Variants in ULK4 observed in about 807,000 individuals in gnomAD.
The protein encoded by ULK4 is inactive serine/threonine-protein kinase ULK4.
In ULK4, 133 loss-of-function variants were observed where a neutral mutation model predicts 160.6. The ratio of observed to expected loss-of-function variants is 0.83; its 90% confidence interval spans 0.72 to 0.96. The LOEUF is 0.96. ULK4 is among the 40% of genes least tolerant of loss of function. The pLI, the probability that ULK4 is intolerant of heterozygous loss-of-function variation, is 0.00. For missense variants in ULK4, 1,580 were observed against 1,499.5 expected (o/e 1.05, Z -0.89); for synonymous variants, 534 against 539.8 (o/e 0.99, Z 0.15).
At chr3:41,491,169 C>CAATTT (rs2084745775) in intron 32 of ULK4, among the ~76,000 whole-genome samples, 1 of 152,076 alleles carries the variant, frequency 6.6e-6, no homozygotes, top group Non-Finnish European at 1.5e-5. Context: ...AATAAAGAGC[C>CAATTT]CTACCATATT....
intron 25 of ULK4, among the ~76,000 whole-genome samples, chr3:41,707,191 A>G (rs1159479729): frequency 6.6e-6 from 1 of 152,160 alleles, no homozygotes; most frequent in Non-Finnish European, 1.5e-5. Flanking sequence ...ATACCAAGCT[A>G]TACATAGTTC....
At chr3:41,891,131 G>A (rs867736023) in intron 16 of ULK4, among the ~76,000 whole-genome samples, 1 of 222 alleles carries the variant, frequency 4.5e-3, no homozygotes, top group African/African-American at 5.1e-3. Flanking sequence ...GAGCGGGGAA[G>A]GAAGGGACGG....
chr3:41,371,964 C>G (rs748075833), intron 35 of ULK4, among the ~76,000 whole-genome samples: 4 of 151,748 alleles, frequency 2.6e-5, no homozygotes, highest in Non-Finnish European at 4.4e-5. Flanking sequence ...CCTGATGGAG[C>G]TGAATAACAC....
Position 41,505,829 on chromosome 3 carries a change from T to G in ULK4, c.3227-42576A>C, listed in dbSNP as rs541293077. Among the ~76,000 whole-genome samples, 3 of 152,262 alleles carry G rather than the reference T, an allele frequency of 2.0e-5. No homozygotes were observed. In the South Asian group the frequency reaches 6.2e-4, roughly 32 times the overall value. ...CTTTTTCTTAACTTATTGTCCTGGC[T>G]AGGACCTCCAATACAACATTTAATA... is the stretch of plus-strand genomic sequence containing the variant. On this transcript the variant is annotated intron_variant, in intron 32 of 36. Coordinates refer to ENST00000301831, the MANE Select transcript of ULK4 (RefSeq NM_017886.4).
intron 21 of ULK4, among the ~76,000 whole-genome samples, chr3:41,755,667 T>C (rs1313271212): frequency 1.3e-5 from 2 of 152,078 alleles, no homozygotes; most frequent in Admixed American, 6.6e-5. Context: ...TCCAAAGCCA[T>C]TCAAATTTCC....
intron 35 of ULK4, among the ~76,000 whole-genome samples, chr3:41,377,268 A>C (rs2125790147): frequency 6.6e-6 from 1 of 152,310 alleles, no homozygotes; most frequent in South Asian, 2.1e-4. Flanking sequence ...AACCATAAAA[A>C]CCCTAGAAGA....
chr3:41,855,404 G>A (rs192383759), intron 17 of ULK4, among the ~76,000 whole-genome samples: 4 of 152,270 alleles, frequency 2.6e-5, no homozygotes, highest in East Asian at 1.9e-4. Flanking sequence ...TCTAATGTAA[G>A]CATCTACTGC....
In ULK4 at chr3:41,544,102, T is replaced by C. The variant is rs543328434; in HGVS notation, c.3226+21923A>G. Among the ~76,000 whole-genome samples the C allele has an allele frequency of 1.9e-4, 29 of 152,350 alleles. No homozygotes were observed. In the South Asian group the frequency reaches 5.2e-3, roughly 27 times the overall value. ...CCTAGTTTGGCTTTTTGACATGCTT[T>C]GTGATTTTTTGTTGAAAACTGAACA... is the stretch of plus-strand genomic sequence containing the variant. On this transcript the variant is annotated intron_variant, in intron 32 of 36. Coordinates refer to ENST00000301831, the MANE Select transcript of ULK4 (RefSeq NM_017886.4).
At chr3:41,640,828 A>G (rs1353945826) in intron 30 of ULK4, among the ~76,000 whole-genome samples, 1 of 152,196 alleles carries the variant, frequency 6.6e-6, no homozygotes, top group African/African-American at 2.4e-5. Flanking sequence ...TTTCTTTTCA[A>G]TGGTAAAAAT....
chr3:41,678,310 C>A (rs554337048), intron 29 of ULK4, among the ~76,000 whole-genome samples: 11 of 151,800 alleles, frequency 7.2e-5, no homozygotes, highest in Non-Finnish European at 1.5e-4. Flanking sequence ...TATTACACAG[C>A]AGTTCTGATA....
chr3:41,511,523 A>C (rs549692355), intron 32 of ULK4, among the ~76,000 whole-genome samples: 30 of 152,314 alleles, frequency 2.0e-4, no homozygotes, highest in African/African-American at 7.0e-4. Flanking sequence ...TTTGGCACAT[A>C]AACTAGAAAA....
In ULK4 at chr3:41,449,192, A is replaced by G. The variant is rs1443358354; in HGVS notation, c.3492+6305T>C. 3.9e-5 allele frequency among the ~76,000 whole-genome samples: 6 copies of G among 152,044 alleles called. No individual in the cohort carries two copies. In the East Asian group the frequency reaches 1.2e-3, roughly 29 times the overall value. Reference sequence around the variant, plus strand: ...CTCAGCCTCCCAAAGTGCTGGGATTACAGTTGTGAGCCACCATGCCCGGCC... The same window carrying G: ...CTCAGCCTCCCAAAGTGCTGGGATTGCAGTTGTGAGCCACCATGCCCGGCC... On this transcript the variant is annotated intron_variant, in intron 34 of 36. Coordinates refer to ENST00000301831, the MANE Select transcript of ULK4 (RefSeq NM_017886.4).
intron 35 of ULK4, among the ~76,000 whole-genome samples, chr3:41,395,290 T>G (rs1482338964): frequency 6.6e-6 from 1 of 150,812 alleles, no homozygotes; most frequent in Non-Finnish European, 1.5e-5. Context: ...GGATTGTAAC[T>G]CACTGAAAAC....
chr3:41,299,693 T>C (rs890775061), intron 35 of ULK4, among the ~76,000 whole-genome samples: 1 of 152,232 alleles, frequency 6.6e-6, no homozygotes, highest in African/African-American at 2.4e-5. Flanking sequence ...TAAGGAGGAA[T>C]AACTTATAAT....
intron 18 of ULK4, among the ~76,000 whole-genome samples, chr3:41,833,286 G>GTTTTTTTTTTTTTTTT (rs767254673): frequency 1.8e-5 from 2 of 109,518 alleles, no homozygotes; most frequent in African/African-American, 4.7e-5. Context: ...TTTTTTTTTT[G>GTTTTTTTTTTTTTTTT]TTTTTTTTTT....
intron 34 of ULK4, among the ~76,000 whole-genome samples, chr3:41,440,293 C>T (rs1369302571): frequency 2.0e-5 from 3 of 152,100 alleles, no homozygotes; most frequent in African/African-American, 4.8e-5. Flanking sequence ...AGGTAGAAAG[C>T]GTTAAGGCTT....
intron 5 of ULK4, 81 bp downstream of exon 5, chr3:41,931,763 G>A (rs1212775135): frequency 6.7e-7 from 1 of 1,502,792 alleles, no homozygotes; most frequent in Admixed American, 1.9e-5. Context: ...CAAAACAAAA[G>A]ACTGACATTG....
rs1165084850 is a variant in ULK4, at chr3:41,636,538, G to GA, written c.3072-20822dup. Among the ~76,000 whole-genome samples the GA allele has an allele frequency of 5.0e-3, 573 of 114,500 alleles. 1 individual carries two copies. Among genetic ancestry groups the GA allele is most frequent in the Admixed American group, 0.014 (166 of 11,614 alleles). The allele number at this position is 114,500 out of a possible 152,430, so 75.1% of individuals were successfully genotyped here. ...GACAGAGCAAGACTCTGTCTCAAAA[G>GA]AAAAAAAAAAAAGAAAAGAAGAGAA... On this transcript the variant is annotated intron_variant, in intron 30 of 36. Transcript: ENST00000301831.
intron 31 of ULK4, among the ~76,000 whole-genome samples, chr3:41,585,500 C>A (rs1372126314): frequency 6.6e-6 from 1 of 152,112 alleles, no homozygotes; most frequent in Admixed American, 6.5e-5. Flanking sequence ...TTACCTTATA[C>A]CATATACAAA....
Sources: allele counts gnomAD v4.1 joint callset (sites outside exome capture counted in the v4.1 genomes callset), GRCh38; gene constraint gnomAD v4.1.1; transcripts MANE v1.5; gene names NCBI Gene and HGNC (gene_info 2026-07-23, HGNC 2026-07-21).